Variants in RIPK2 observed in about 807,000 individuals in gnomAD.
RIPK2 encodes the protein receptor interacting serine/threonine kinase 2.
Under a neutral mutation model 60.9 loss-of-function variants are expected in RIPK2, and 38 were observed. That is an observed-to-expected ratio of 0.62 (90% CI 0.48 to 0.82). The LOEUF is 0.82. RIPK2 is among the 40% of genes least tolerant of loss of function. The pLI is 0.00. For synonymous variants in RIPK2, 225 were observed against 223.4 expected, an observed-to-expected ratio of 1.01 and a Z score of -0.06; for missense variants, 518 against 647.0, an observed-to-expected ratio of 0.80 and a Z score of 2.16.
rs889434704 is a variant in RIPK2 at position 89,762,375 on chromosome 8, T to C, written c.174-454T>C. Among the ~76,000 whole-genome samples the C allele has an allele frequency of 1.2e-4, 18 of 152,258 alleles. No individual in the cohort carries two copies. In the East Asian group the frequency reaches 3.1e-3, roughly 26 times the overall value. ...TATTGAATCTATAACATTTAAAGGTTTTAATATTCAGGATATTTGGAAAAT... is the reference window on the plus strand; with the variant it reads ...TATTGAATCTATAACATTTAAAGGTCTTAATATTCAGGATATTTGGAAAAT... On this transcript the variant is annotated intron_variant, in intron 1 of 10. Coordinates refer to ENST00000220751, the MANE Select transcript of RIPK2 (RefSeq NM_003821.6).
chr8:89,771,838 G>T (rs1469389124), intron 5 of RIPK2, 48 bp downstream of exon 5: 4 of 1,149,492 alleles, frequency 3.5e-6, no homozygotes. Context: ...ATGTTAGTAG[G>T]TCACTCTCAG....
intron 1 of RIPK2, among the ~76,000 whole-genome samples, chr8:89,760,765 A>C (rs773414475): frequency 1.3e-5 from 2 of 152,228 alleles, no homozygotes; most frequent in African/African-American, 2.4e-5. Context: ...AGTGCATATA[A>C]AGTGACTGAC....
intron 6 of RIPK2, among the ~76,000 whole-genome samples, chr8:89,778,395 C>T (rs1809437800): frequency 6.6e-6 from 1 of 152,050 alleles, no homozygotes; most frequent in African/African-American, 2.4e-5. Flanking sequence ...AGTTTGCAAC[C>T]ATTACTATAA....
In RIPK2 at chr8:89,790,364, T is replaced by C. The variant is rs934848319; in HGVS notation, c.1571T>C (p.Leu524Pro). 2.5e-6 allele frequency: 4 copies of C among 1,611,174 alleles called. No individual in the cohort carries two copies. The highest frequency in any genetic ancestry group is 3.4e-6 in the Non-Finnish European group (4 of 1,178,990). The change falls in exon 11 of 11, where the codon CTT (leucine) becomes CCT (proline). Residue 524 changes from leucine (L) to proline (P), a missense_variant. Coordinates refer to ENST00000220751, the MANE Select transcript of RIPK2 (RefSeq NM_003821.6). ...GGTCTTCAGCCTTACCCGGAAATAC[T>C]TGTGGTTTCTAGATCACCATCTTTA... Reference protein sequence around the residue: ...QMGLQPYPEILVVSRSPSLNL... With the variant: ...QMGLQPYPEIPVVSRSPSLNL...
intron 3 of RIPK2, among the ~76,000 whole-genome samples, chr8:89,768,453 G>C (rs1024212393): frequency 2.6e-5 from 4 of 151,656 alleles, no homozygotes; most frequent in African/African-American, 4.8e-5. Context: ...TGTATCACAT[G>C]GCCATAAGAA....
At chr8:89,769,498 C>A (rs1163503105) in intron 3 of RIPK2, among the ~76,000 whole-genome samples, 1 of 151,700 alleles carries the variant, frequency 6.6e-6, no homozygotes, top group Non-Finnish European at 1.5e-5. Flanking sequence ...ACAAAAAATG[C>A]CTCTGCTCAA....
At chr8:89,785,109 G>C (rs948248325) in intron 8 of RIPK2, among the ~76,000 whole-genome samples, 22 of 152,168 alleles carry the variant, frequency 1.4e-4, no homozygotes, top group African/African-American at 5.3e-4. Flanking sequence ...TTCAATGTGA[G>C]ATTTAGTGGG....
intron 3 of RIPK2, among the ~76,000 whole-genome samples, chr8:89,768,815 A>G (rs906195672): frequency 6.6e-6 from 1 of 151,690 alleles, no homozygotes; most frequent in Non-Finnish European, 1.5e-5. Context: ...TCTAAATGCT[A>G]ATAAAAATTA....
At chr8:89,759,248 C>A (rs1809105064) in intron 1 of RIPK2, 17 of 454,562 alleles carry the variant, frequency 3.7e-5, no homozygotes, top group South Asian at 2.6e-4. Context: ...AAGAACATTA[C>A]AACCGCGTGC....
intron 6 of RIPK2, among the ~76,000 whole-genome samples, chr8:89,773,672 G>C (rs1038918719): frequency 1.3e-5 from 2 of 152,120 alleles, no homozygotes; most frequent in Non-Finnish European, 2.9e-5. Flanking sequence ...AAAGAGGCTA[G>C]AAAAGACACT....
At chr8:89,786,528 C>G in intron 8 of RIPK2, 65 bp from the exon 9 acceptor site, 1 of 932,980 alleles carries the variant, frequency 1.1e-6, no homozygotes, top group Non-Finnish European at 1.7e-6. Flanking sequence ...CAAACAAGAA[C>G]TATTTAGAAA....
intron 2 of RIPK2, among the ~76,000 whole-genome samples, chr8:89,763,285 A>C (rs1809174948): frequency 6.6e-6 from 1 of 152,218 alleles, no homozygotes; most frequent in Non-Finnish European, 1.5e-5. Flanking sequence ...AACTCTGCAT[A>C]CTGTAAAATC....
chr8:89,787,173 A>C (rs1809601407), intron 9 of RIPK2, among the ~76,000 whole-genome samples: 1 of 152,194 alleles, frequency 6.6e-6, no homozygotes, highest in Non-Finnish European at 1.5e-5. Context: ...CAAAAAATAA[A>C]TTTTAAAAAA....
chr8:89,761,264 A>T (rs1809140181), intron 1 of RIPK2, among the ~76,000 whole-genome samples: 1 of 152,150 alleles, frequency 6.6e-6, no homozygotes, highest in Non-Finnish European at 1.5e-5. Flanking sequence ...CTAACTTATC[A>T]TCATTACTTA....
At chr8:89,775,758 A>G (rs1809387134) in intron 6 of RIPK2, among the ~76,000 whole-genome samples, 1 of 152,200 alleles carries the variant, frequency 6.6e-6, no homozygotes, top group Non-Finnish European at 1.5e-5. Context: ...ATTCCCTCTC[A>G]TGGCTTCTAT....
chr8:89,764,339 T>C (rs185304468), intron 2 of RIPK2, among the ~76,000 whole-genome samples: 18 of 152,292 alleles, frequency 1.2e-4, no homozygotes, highest in Admixed American at 3.3e-4. Context: ...ACAAAATTCA[T>C]TGAGAAAACT....
In RIPK2 at chr8:89,766,104, G is replaced by A. The variant is rs531977677; in HGVS notation, c.483+608G>A. 1.3e-4 allele frequency among the ~76,000 whole-genome samples: 20 copies of A among 151,960 alleles called. No individual in the cohort carries two copies. In the South Asian group the frequency reaches 2.1e-3, roughly 16 times the overall value. On this transcript the variant is annotated intron_variant, in intron 3 of 10. Coordinates refer to ENST00000220751, the MANE Select transcript of RIPK2 (RefSeq NM_003821.6). Reference sequence around the variant, plus strand: ...ATATAAGTGGAATCATATAGTATGTGATATTTTGAGATTGGCTTTGTTCAC... The same window carrying A: ...ATATAAGTGGAATCATATAGTATGTAATATTTTGAGATTGGCTTTGTTCAC...
intron 1 of RIPK2, chr8:89,759,502 A>AT: frequency 1.2e-5 from 5 of 422,732 alleles, no homozygotes; most frequent in South Asian, 8.4e-5. Flanking sequence ...AAGTTACTGG[A>AT]TTTTCACCTG....
intron 8 of RIPK2, among the ~76,000 whole-genome samples, chr8:89,784,629 A>G (rs1809555777): frequency 6.6e-6 from 1 of 152,240 alleles, no homozygotes; most frequent in African/African-American, 2.4e-5. Context: ...GAAAAGTAAC[A>G]TAGATTGAGC....
Sources: allele counts gnomAD v4.1 joint callset (sites outside exome capture counted in the v4.1 genomes callset), GRCh38; gene constraint gnomAD v4.1.1; transcripts MANE v1.5; gene names NCBI Gene and HGNC (gene_info 2026-07-23, HGNC 2026-07-21).